CREB5: variants seen among roughly 807,000 people sequenced by gnomAD.
CREB5 encodes cAMP responsive element binding protein 5.
CREB5 carries 19 observed loss-of-function variants against 57.1 expected under a neutral mutation model. The ratio of observed to expected loss-of-function variants is 0.33; its 90% CI spans 0.23 to 0.49. CREB5 has a LOEUF of 0.49. CREB5 is among the 20% of genes least tolerant of loss of function. CREB5 has a pLI of 0.99. For synonymous variants in CREB5, 238 were observed against 238.3 expected, an observed-to-expected ratio of 1.00 and a Z score of 0.01; for missense variants, 579 against 671.6, an observed-to-expected ratio of 0.86 and a Z score of 1.52.
intron 1 of CREB5, among the ~76,000 whole-genome samples, chr7:28,370,423 AT>A (rs1426949460): frequency 2.0e-5 from 3 of 152,188 alleles, no homozygotes; most frequent in Non-Finnish European, 4.4e-5. Flanking sequence ...AAAACACCTC[AT>A]AAAGGTGAGG....
intron 7 of CREB5, among the ~76,000 whole-genome samples, chr7:28,732,720 C>CTT (rs35952532): frequency 0.052 from 6,886 of 131,822 alleles, 287 homozygotes; most frequent in Middle Eastern, 0.085. Context: ...CTCTGTCTTG[C>CTT]TTTTTTTTTT....
intron 1 of CREB5, among the ~76,000 whole-genome samples, chr7:28,317,956 C>A (rs781423970): frequency 3.9e-5 from 6 of 152,162 alleles, no homozygotes; most frequent in Non-Finnish European, 5.9e-5. Context: ...GCTCTTGAAT[C>A]TATTTAAAGC....
intron 7 of CREB5, among the ~76,000 whole-genome samples, chr7:28,764,491 G>A (rs541988102): frequency 1.5e-3 from 229 of 152,160 alleles, no homozygotes; most frequent in Middle Eastern, 3.4e-3. Flanking sequence ...AACTAAAACC[G>A]GAGAGTTTAT....
At chr7:28,472,723 C>T (rs757697479) in intron 1 of CREB5, among the ~76,000 whole-genome samples, 5 of 152,154 alleles carry the variant, frequency 3.3e-5, no homozygotes, top group Non-Finnish European at 7.4e-5. Flanking sequence ...AGGACCCTCA[C>T]GTTTCACTTG....
intron 1 of CREB5, among the ~76,000 whole-genome samples, chr7:28,300,053 T>C (rs770808080): frequency 0.048 from 6 of 124 alleles, no homozygotes; most frequent in Admixed American, 0.12. Context: ...TTTTTAGCTT[T>C]ATTTATTTAT....
chr7:28,726,477 G>C (rs1275016178), intron 7 of CREB5, among the ~76,000 whole-genome samples: 1 of 152,048 alleles, frequency 6.6e-6, no homozygotes, highest in African/African-American at 2.4e-5. Context: ...TTTTCTAGCA[G>C]CTTTGGGCTG....
At chr7:28,488,391 T>A in intron 2 of CREB5, 145 bp downstream of exon 2, 1 of 637,358 alleles carries the variant, frequency 1.6e-6, no homozygotes. Flanking sequence ...AGTATCGTGA[T>A]CATCATCATT....
chr7:28,494,966 T>C lies in CREB5; in HGVS notation c.136T>C (p.Phe46Leu). ...HRHKHEMTLK[F>L]PSIKTDNMLS... Reference sequence around the variant, plus strand: ...GCACAAACATGAAATGACTTTGAAGTTTCCTTCAATAAAAACAGACAATAT... The same window carrying C: ...GCACAAACATGAAATGACTTTGAAGCTTCCTTCAATAAAAACAGACAATAT... Residue 46 changes from phenylalanine to leucine, a missense_variant, in exon 3 of 11, where the codon TTT (phenylalanine) becomes CTT (leucine). Around this residue, in one of 3 missense-constraint regions of CREB5, gnomAD observed 459 missense variants for 515.7 expected, o/e 0.89. Transcript: ENST00000357727. 6.2e-7 allele frequency: 1 copy of C among 1,608,814 alleles called. No individual in the cohort carries two copies. Among genetic ancestry groups the C allele is most frequent in the South Asian group, 1.1e-5 (1 of 89,690 alleles).
At chr7:28,561,011 T>TGCGC (rs1280116550) in intron 4 of CREB5, among the ~76,000 whole-genome samples, 3 of 48,026 alleles carry the variant, frequency 6.2e-5, no homozygotes, top group African/African-American at 1.0e-4. Flanking sequence ...TGTGCGTGTG[T>TGCGC]GTGTGCGTGT....
chr7:28,507,244 T>C (rs907188374), intron 3 of CREB5, among the ~76,000 whole-genome samples: 1 of 152,184 alleles, frequency 6.6e-6, no homozygotes, highest in Non-Finnish European at 1.5e-5. Context: ...TTTGGCCTTA[T>C]TTTAGCAAAA....
At chr7:28,505,238 A>T (rs1487883443) in intron 3 of CREB5, among the ~76,000 whole-genome samples, 5 of 152,180 alleles carry the variant, frequency 3.3e-5, no homozygotes, top group Non-Finnish European at 7.3e-5. Flanking sequence ...GCACGCACAC[A>T]CGCACATACA....
At chr7:28,659,395 G>A (rs1162715570) in intron 5 of CREB5, among the ~76,000 whole-genome samples, 4 of 152,146 alleles carry the variant, frequency 2.6e-5, no homozygotes, top group African/African-American at 7.2e-5. Context: ...GAAGTTTAAA[G>A]TGTGAGCTAC....
chr7:28,794,136 C>A (rs1051314615), intron 7 of CREB5, among the ~76,000 whole-genome samples: 1 of 152,124 alleles, frequency 6.6e-6, no homozygotes, highest in Non-Finnish European at 1.5e-5. Flanking sequence ...TATGTTACTG[C>A]CTGTGTTTCT....
At chr7:28,805,406 C>A (rs1808657012) in intron 8 of CREB5, among the ~76,000 whole-genome samples, 1 of 152,100 alleles carries the variant, frequency 6.6e-6, no homozygotes, top group African/African-American at 2.4e-5. Context: ...TGACTTTCAT[C>A]CATACCTTCC....
chr7:28,513,612 T>C (rs1792812240), intron 4 of CREB5: 1 of 152,202 alleles, frequency 6.6e-6, no homozygotes, highest in South Asian at 2.1e-4. Flanking sequence ...TAAATCACGT[T>C]CAACTTTCTC....
At chr7:28,555,889 G>C (rs1794844359) in intron 4 of CREB5, among the ~76,000 whole-genome samples, 1 of 152,132 alleles carries the variant, frequency 6.6e-6, no homozygotes, top group East Asian at 1.9e-4. Flanking sequence ...CAGTAAATTT[G>C]TTCCACATTG....
chr7:28,773,822 AG>A (rs1330122834), intron 7 of CREB5, among the ~76,000 whole-genome samples: 3 of 152,222 alleles, frequency 2.0e-5, no homozygotes, highest in Admixed American at 6.5e-5. Flanking sequence ...ACTTAAATTC[AG>A]GGCTAATTTT....
intron 6 of CREB5, among the ~76,000 whole-genome samples, chr7:28,722,997 C>T (rs956541825): frequency 2.0e-5 from 3 of 152,204 alleles, no homozygotes; most frequent in African/African-American, 4.8e-5. Context: ...TCAATGAGCC[C>T]TCTCAAGCTT....
rs1014544358 is a variant in CREB5, at chr7:28,626,953, T to A, written c.464+56416T>A. Among the ~76,000 whole-genome samples the A allele has an allele frequency of 9.8e-5, 15 of 152,300 alleles. 2 individuals are homozygous for A. Among genetic ancestry groups the A allele is most frequent in the African/African-American group, 3.6e-4 (15 of 41,574 alleles). On this transcript the variant is annotated intron_variant, in intron 5 of 10. Transcript: ENST00000357727. ...TGTGATACAGGGGTTTTTTTTCTCA[T>A]CTGTTTTTGCTCTCAATGCTTGCAA...
Sources: allele counts gnomAD v4.1 joint callset (sites outside exome capture counted in the v4.1 genomes callset), GRCh38; gene constraint gnomAD v4.1.1; regional missense constraint gnomAD v4.1.1; transcripts MANE v1.5; gene names NCBI Gene and HGNC (gene_info 2026-07-23, HGNC 2026-07-21).